MORC3: variants seen among roughly 807,000 people sequenced by gnomAD.
MORC3 encodes the protein MORC family CW-type zinc finger protein 3.
MORC3 carries 31 observed loss-of-function variants against 109.1 expected under a neutral mutation model. That is an observed-to-expected ratio of 0.28 (90% CI 0.21 to 0.38). The LOEUF is 0.38. MORC3 is among the 10% of genes least tolerant of loss of function. MORC3 has a pLI of 1.00. For synonymous variants in MORC3, 395 were observed against 380.7 expected (o/e 1.04, Z -0.44); for missense variants, 867 against 1,135.8 (o/e 0.76, Z 3.40).
chr21:36,325,677 C>G (rs1379532137), intron 1 of MORC3, among the ~76,000 whole-genome samples: 2 of 152,214 alleles, frequency 1.3e-5, no homozygotes, highest in African/African-American at 4.8e-5. Context: ...CCCCCCTTAT[C>G]TGCAGTTTTG....
intron 1 of MORC3, chr21:36,320,628 G>C: frequency 3.7e-6 from 1 of 273,668 alleles, no homozygotes; most frequent in Non-Finnish European, 6.8e-6. Flanking sequence ...TCTGCTCTCG[G>C]GGCCGCGGGG....
chr21:36,364,093 A>G lies in MORC3; in HGVS notation c.1453A>G (p.Ile485Val), dbSNP rs1444275719. ...AGGTGATGATTTTTCCCTCCAACAG[A>G]TTAATGCTGAACTGTTGTTTCGGCC... ...RIRQPEMIPR[I>V]NAELLFRPTA... Residue 485 changes from isoleucine to valine, a missense_variant and splice_region_variant, in exon 14 of 17, where the codon ATT (isoleucine) becomes GTT (valine). Coordinates refer to ENST00000400485, the MANE Select transcript of MORC3 (RefSeq NM_015358.3). 9 of 1,612,684 alleles carry G rather than the reference A, an allele frequency of 5.6e-6. No individual in the cohort carries two copies. The highest frequency in any genetic ancestry group is 5.9e-6 in the Non-Finnish European group (7 of 1,179,686).
chr21:36,364,068 A>G (rs760815167), intron 13 of MORC3, 25 bp from the exon 14 acceptor site: 23 of 1,607,028 alleles, frequency 1.4e-5, no homozygotes, highest in Non-Finnish European at 1.9e-5. Context: ...AGTTCCTTTA[A>G]GGTGATGATT....
intron 1 of MORC3, among the ~76,000 whole-genome samples, chr21:36,326,829 T>C (rs1389745130): frequency 6.6e-6 from 1 of 152,048 alleles, no homozygotes; most frequent in African/African-American, 2.4e-5. Flanking sequence ...TTTTTTTTTT[T>C]TTTTGAGACC....
intron 5 of MORC3, among the ~76,000 whole-genome samples, chr21:36,340,595 CTTTTTCTTTTT>C (rs1177866766): frequency 4.0e-5 from 6 of 149,418 alleles, no homozygotes; most frequent in Non-Finnish European, 7.4e-5. Flanking sequence ...GCACCTTTTC[CTTTTTCTTTTT>C]TTTTTCTTTC....
At chr21:36,333,615 T>G in intron 1 of MORC3, 31 bp from the exon 2 acceptor site, 1 of 1,563,340 alleles carries the variant, frequency 6.4e-7, no homozygotes, top group Non-Finnish European at 8.8e-7. Flanking sequence ...AAGACCTGAA[T>G]TAATTTACAT....
chr21:36,376,627 G>A lies in MORC3; in HGVS notation c.*1331G>A, dbSNP rs942122304. On this transcript the variant is annotated 3_prime_UTR_variant, in exon 17 of 17. Transcript: ENST00000400485. Reference sequence around the variant, plus strand: ...TTATAATAAAATAAAAATATATGATGGCTAACTGTTCAAATGCTACTTTTA... The same window carrying A: ...TTATAATAAAATAAAAATATATGATAGCTAACTGTTCAAATGCTACTTTTA... The A allele has an allele frequency of 6.6e-6, 1 of 152,022 alleles. No homozygotes were observed. Among genetic ancestry groups the A allele is most frequent in the African/African-American group, 2.4e-5 (1 of 41,408 alleles). 9.4% of individuals were successfully genotyped at this position (152,022 alleles called of 1,614,324 possible).
chr21:36,358,774 G>C (rs569871305), intron 10 of MORC3, among the ~76,000 whole-genome samples: 7 of 151,954 alleles, frequency 4.6e-5, no homozygotes, highest in Non-Finnish European at 8.8e-5. Context: ...CTGCCTCCTG[G>C]GTTCATACAA....
intron 9 of MORC3, among the ~76,000 whole-genome samples, chr21:36,352,790 G>A (rs1427346137): frequency 6.6e-6 from 1 of 151,984 alleles, no homozygotes; most frequent in Admixed American, 6.6e-5. Flanking sequence ...GCTGTTGAAT[G>A]GAAGCCTTAC....
intron 4 of MORC3, among the ~76,000 whole-genome samples, chr21:36,338,569 G>C (rs2085399530): frequency 6.6e-6 from 1 of 151,606 alleles, no homozygotes; most frequent in African/African-American, 2.4e-5. Flanking sequence ...GGGTGCCTGT[G>C]GTCGGTCCCA....
intron 1 of MORC3, among the ~76,000 whole-genome samples, chr21:36,327,155 CTTTTTTT>C (rs71326674): frequency 0.11 from 8,751 of 81,818 alleles, 327 homozygotes; most frequent in Non-Finnish European, 0.13. Flanking sequence ...GGCTTTATTT[CTTTTTTT>C]TTTTTTTTTT....
At chr21:36,362,991 T>C (rs191358009) in intron 13 of MORC3, among the ~76,000 whole-genome samples, 1 of 152,228 alleles carries the variant, frequency 6.6e-6, no homozygotes, top group East Asian at 1.9e-4. Context: ...ACAAAAGCCA[T>C]AGTGTTTTTC....
At chr21:36,354,915 T>C (rs2085627864) in intron 9 of MORC3, among the ~76,000 whole-genome samples, 1 of 152,148 alleles carries the variant, frequency 6.6e-6, no homozygotes, top group South Asian at 2.1e-4. Context: ...CTTGAAACTT[T>C]TTGCCCTCTA....
Position 36,364,178 on chromosome 21 carries a change from T to G in MORC3, c.1538T>G (p.Leu513Arg), listed in dbSNP as rs1254741307. The change falls in exon 14 of 17, where the codon CTT becomes CGT. Residue 513 changes from leucine (L) to arginine (R), a missense_variant. Leu to Arg is a moderately radical substitution (Grantham distance 102). Transcript: ENST00000400485. ...AAGGAAAGTGTTCCAAGAAGACATC[T>G]TTCAGAAGGAACAAATTCTTATGCG... Reference protein sequence around the residue: ...SPKESVPRRHLSEGTNSYATR... With the variant: ...SPKESVPRRHRSEGTNSYATR... 1 of 1,614,038 alleles carries G rather than the reference T, an allele frequency of 6.2e-7. No homozygotes were observed. The highest frequency in any genetic ancestry group is 1.3e-5 in the African/African-American group (1 of 74,938).
chr21:36,350,612 T>C (rs2085560464), intron 9 of MORC3, among the ~76,000 whole-genome samples: 2 of 150,768 alleles, frequency 1.3e-5, no homozygotes, highest in Admixed American at 6.6e-5. Flanking sequence ...TTGTCAAGAC[T>C]GATTAAGGAA....
intron 6 of MORC3, among the ~76,000 whole-genome samples, chr21:36,343,276 G>A (rs1213677557): frequency 4.0e-5 from 6 of 151,400 alleles, no homozygotes; most frequent in Non-Finnish European, 8.8e-5. Flanking sequence ...TGCATTTTTA[G>A]TAGAGACAAG....
intron 13 of MORC3, among the ~76,000 whole-genome samples, chr21:36,363,360 G>A (rs2085742003): frequency 6.6e-6 from 1 of 152,186 alleles, no homozygotes; most frequent in Admixed American, 6.6e-5. Context: ...GTTGCAGTGA[G>A]CCAAGATCAC....
intron 11 of MORC3, 35 bp downstream of exon 11, chr21:36,360,112 A>G: frequency 1.9e-6 from 3 of 1,614,132 alleles, no homozygotes; most frequent in Non-Finnish European, 2.5e-6. Flanking sequence ...TTTTGGAAAG[A>G]CGGAAAGTAC....
chr21:36,348,957 G>A (rs1397892377), intron 8 of MORC3, among the ~76,000 whole-genome samples: 1 of 151,966 alleles, frequency 6.6e-6, no homozygotes, highest in African/African-American at 2.4e-5. Context: ...GTCAGGAGTT[G>A]GAGACTAGCC....
Sources: gnomAD v4.1 joint callset for allele counts (sites outside exome capture counted in the v4.1 genomes callset) on GRCh38, gnomAD v4.1.1 for gene constraint, MANE v1.5 for transcripts, NCBI Gene and HGNC (gene_info 2026-07-23, HGNC 2026-07-21) for gene names.